The following DNASE2B variants were observed in gnomAD, a reference collection of about 807,000 sequenced individuals.
DNASE2B encodes the protein deoxyribonuclease-2-beta.
DNASE2B carries 43 observed loss-of-function variants against 46.0 expected under a neutral mutation model. The ratio of observed to expected loss-of-function variants is 0.94; its 90% CI spans 0.73 to 1.21. The LOEUF (loss-of-function observed/expected upper bound fraction) is 1.21. DNASE2B is among the 50% of genes most tolerant of loss of function. The pLI is 0.00. For synonymous variants in DNASE2B, 156 were observed against 152.5 expected (o/e 1.02, Z -0.17); for missense variants, 395 against 414.4 (o/e 0.95, Z 0.41).
intron 1 of DNASE2B, among the ~76,000 whole-genome samples, chr1:84,400,890 G>GT (rs1378218816): frequency 6.6e-6 from 1 of 152,226 alleles, no homozygotes; most frequent in Non-Finnish European, 1.5e-5. Flanking sequence ...CCTGCCACAT[G>GT]TGAGGACCTG....
chr1:84,402,012 A>G lies in DNASE2B; in HGVS notation c.237A>G (p.Leu79=), dbSNP rs1174275766. The change falls in exon 2 of 6, where the codon CTA becomes CTG. Residue 79 remains leucine (L), a synonymous_variant. Coordinates refer to ENST00000370665, the MANE Select transcript of DNASE2B (RefSeq NM_021233.3). The part of the protein sequence containing the change: ...TTRSWRKSEQ[L]MNDTKSVLGR... ...GAAGCTGGAGGAAGAGTGAGCAACT[A>G]ATGAATGACACCAAGAGTGTTTTGG... 3.7e-6 allele frequency: 6 copies of G among 1,611,084 alleles called. No individual in the cohort carries two copies. The highest frequency in any genetic ancestry group is 1.3e-5 in the African/African-American group (1 of 74,934).
At position 84,414,514 on chromosome 1, in the gene DNASE2B, C is replaced by A; in HGVS notation, c.746-14C>A. 6.3e-7 allele frequency: 1 copy of A among 1,581,852 alleles called. No individual in the cohort carries two copies. The highest frequency in any genetic ancestry group is 1.2e-5 in the South Asian group (1 of 84,710). ...AAATACCAACCTCACTATCTTTCTC[C>A]TCCTAAACCCTAGACATCTTTGCAG... On this transcript the variant is annotated splice_polypyrimidine_tract_variant and intron_variant, in intron 5 of 5. Transcript: ENST00000370665.
intron 2 of DNASE2B, among the ~76,000 whole-genome samples, chr1:84,405,830 T>C (rs1283301816): frequency 6.6e-6 from 1 of 152,202 alleles, no homozygotes; most frequent in East Asian, 1.9e-4. Context: ...AATGCAGTTA[T>C]GACTTAGTAC....
chr1:84,414,009 T>C (rs1466556669), intron 5 of DNASE2B, among the ~76,000 whole-genome samples: 2 of 152,220 alleles, frequency 1.3e-5, no homozygotes, highest in African/African-American at 4.8e-5. Flanking sequence ...GACACAGTTA[T>C]TATGACAGCC....
chr1:84,401,107 C>G (rs1193960760), intron 1 of DNASE2B, among the ~76,000 whole-genome samples: 1 of 152,098 alleles, frequency 6.6e-6, no homozygotes, highest in Admixed American at 6.6e-5. Flanking sequence ...TTGGCTAGAT[C>G]AGTGGTTCTC....
At position 84,414,929 on chromosome 1, in the gene DNASE2B, A is replaced by G; in HGVS notation, c.*61A>G. The G allele has an allele frequency of 4.9e-6, 6 of 1,222,816 alleles. No individual in the cohort carries two copies. The highest frequency in any genetic ancestry group is 6.9e-6 in the Non-Finnish European group (6 of 866,484). 75.7% of individuals were successfully genotyped at this position (1,222,816 alleles called of 1,614,324 possible). ...CCTTGACAATGGGTCTTCTTCCATTACACCTTCTTTATATTTTAAAGGCCT... is the reference window on the plus strand; with the variant it reads ...CCTTGACAATGGGTCTTCTTCCATTGCACCTTCTTTATATTTTAAAGGCCT... On this transcript the variant is annotated 3_prime_UTR_variant, in exon 6 of 6. Transcript: ENST00000370665.
chr1:84,401,448 T>A (rs633294), intron 1 of DNASE2B, among the ~76,000 whole-genome samples: 111,239 of 152,166 alleles, frequency 0.73, 40,817 homozygotes, highest in African/African-American at 0.8. Flanking sequence ...GCCCTGAATC[T>A]TCAAGGCAGA....
intron 3 of DNASE2B, 112 bp from the exon 4 acceptor site, chr1:84,410,726 T>G: frequency 1.0e-6 from 1 of 993,482 alleles, no homozygotes; most frequent in Non-Finnish European, 1.5e-6. Flanking sequence ...ATTATTAGCC[T>G]AATAAAACAC....
rs773248719 is a variant in DNASE2B at position 84,398,658 on chromosome 1, T to A, written c.94T>A (p.Cys32Ser). 3 of 1,613,896 alleles carry A rather than the reference T, an allele frequency of 1.9e-6. No homozygotes were observed. The highest frequency in any genetic ancestry group is 2.5e-6 in the Non-Finnish European group (3 of 1,179,812). Residue 32 changes from cysteine to serine, a missense_variant, in exon 1 of 6, where the codon TGC (cysteine) becomes AGC (serine). By Grantham distance (112) the Cys-to-Ser change is moderately radical. Transcript: ENST00000370665. ...FGVLGAATIS[C>S]RNEEGKAVDW... ...GGTGCTGGGGGCAGCAACAATTTCA[T>A]GCAGAAATGAAGAAGGGAAAGCTGT... is the stretch of plus-strand genomic sequence containing the variant.
chr1:84,411,479 T>A (rs1201492975), intron 4 of DNASE2B, among the ~76,000 whole-genome samples: 43 of 64,594 alleles, frequency 6.7e-4, no homozygotes, highest in African/African-American at 2.2e-3. Flanking sequence ...TGTGTGTGTG[T>A]GTGTCAGAGA....
intron 5 of DNASE2B, among the ~76,000 whole-genome samples, chr1:84,414,176 T>A (rs186253561): frequency 5.5e-4 from 84 of 152,338 alleles, no homozygotes; most frequent in Admixed American, 2.0e-3. Context: ...CCAAACACTT[T>A]GGCATGATTT....
At chr1:84,409,706 T>C (rs6663802) in intron 3 of DNASE2B, among the ~76,000 whole-genome samples, 80,915 of 151,982 alleles carry the variant, frequency 0.53, 21,569 homozygotes, top group East Asian at 0.61. Flanking sequence ...TCTCCCACAC[T>C]ATTCCTGCTC....
intron 4 of DNASE2B, 80 bp from the exon 5 acceptor site, chr1:84,412,269 C>A: frequency 2.4e-6 from 3 of 1,231,368 alleles, no homozygotes; most frequent in African/African-American, 1.5e-5. Flanking sequence ...TTTTTAAATC[C>A]ACAAAAAGAT....
At chr1:84,408,188 A>G (rs1680524673) in intron 2 of DNASE2B, 1 of 335,616 alleles carries the variant, frequency 3.0e-6, no homozygotes, top group Non-Finnish European at 4.9e-6. Context: ...GCCCTCACAC[A>G]CAGATCACAA....
rs775426791 is a variant in DNASE2B, at chr1:84,414,603, A to G, written c.821A>G (p.Glu274Gly). 6.2e-7 allele frequency: 1 copy of G among 1,614,168 alleles called. No individual in the cohort carries two copies. The highest frequency in any genetic ancestry group is 1.1e-5 in the South Asian group (1 of 91,070). Residue 274 changes from glutamate (E) to glycine (G), a missense_variant, in exon 6 of 6, where the codon GAG (glutamate) becomes GGG (glycine). Physicochemically the swap from Glu to Gly is moderately conservative, Grantham distance 98 (BLOSUM62 -2). Coordinates refer to ENST00000370665, the MANE Select transcript of DNASE2B (RefSeq NM_021233.3). ...LTETWQRKRQ[E>G]LPSNCSLPYH... ...GAAACCTGGCAGCGAAAAAGACAAG[A>G]GCTTCCTTCAAACTGCTCCCTTCCT... is the stretch of plus-strand genomic sequence containing the variant.
At chr1:84,413,123 C>A (rs1289880139) in intron 5 of DNASE2B, among the ~76,000 whole-genome samples, 1 of 152,024 alleles carries the variant, frequency 6.6e-6, no homozygotes, top group East Asian at 1.9e-4. Flanking sequence ...AGTTCTCCCA[C>A]TCCCCAGGCT....
At chr1:84,409,871 G>A (rs566468709) in intron 3 of DNASE2B, among the ~76,000 whole-genome samples, 11 of 152,260 alleles carry the variant, frequency 7.2e-5, no homozygotes, top group Admixed American at 2.6e-4. Context: ...ACACTCATCT[G>A]CACAGAGGAT....
rs998978773 is a variant in DNASE2B at position 84,412,377 on chromosome 1, C to T, written c.576C>T (p.Asn192=). 1.0e-5 allele frequency: 16 copies of T among 1,571,160 alleles called. No homozygotes were observed. Among genetic ancestry groups the T allele is most frequent in the African/African-American group, 9.5e-5 (7 of 73,564 alleles). ...IDSQLLVCNP[N]VYSCSIPATF... ...CTCAGCTCTTGGTCTGCAACCCCAA[C>T]GTCTATAGCTGCTCCATCCCAGCCA... The change falls in exon 5 of 6, where the codon AAC becomes AAT. Residue 192 remains asparagine, a synonymous_variant. Coordinates refer to ENST00000370665, the MANE Select transcript of DNASE2B (RefSeq NM_021233.3).
intron 5 of DNASE2B, among the ~76,000 whole-genome samples, chr1:84,412,877 C>T (rs534493067): frequency 6.6e-6 from 1 of 151,994 alleles, no homozygotes; most frequent in South Asian, 2.1e-4. Flanking sequence ...CACTACTCTG[C>T]ACCCTCACTC....
Sources: gnomAD v4.1 joint callset for allele counts (sites outside exome capture counted in the v4.1 genomes callset) on GRCh38, gnomAD v4.1.1 for gene constraint, MANE v1.5 for transcripts, NCBI Gene and HGNC (gene_info 2026-07-23, HGNC 2026-07-21) for gene names.